Variants in DISC1 observed in about 807,000 individuals in gnomAD.
DISC1 encodes DISC1 scaffold protein.
DISC1 carries 57 observed loss-of-function variants against 84.5 expected under a neutral mutation model. That is an observed-to-expected ratio of 0.67 (90% CI 0.55 to 0.84). The LOEUF (loss-of-function observed/expected upper bound fraction) is 0.84, where lower values mean the gene tolerates loss of function less well. DISC1 is among the 40% of genes least tolerant of loss of function. The pLI, the probability that DISC1 is intolerant of heterozygous loss-of-function variation, is 0.00. For synonymous variants in DISC1, 411 were observed against 415.2 expected, an observed-to-expected ratio of 0.99 and a Z score of 0.12; for missense variants, 1,000 against 1,057.8, an observed-to-expected ratio of 0.95 and a Z score of 0.76.
chr1:231,759,926 G>A, intron 4 of DISC1, among the ~76,000 whole-genome samples: 1 of 152,086 alleles, frequency 6.6e-6, no homozygotes, highest in East Asian at 1.9e-4. Context: ...AACTTGTTTT[G>A]GAACTATTGG....
Position 231,630,569 on chromosome 1 carries a change from G to C in DISC1, c.67+3635G>C, listed in dbSNP as rs2058633870. Among the ~76,000 whole-genome samples, 1 of 152,096 alleles carries C rather than the reference G, an allele frequency of 6.6e-6. No homozygotes were observed. Among genetic ancestry groups the C allele is most frequent in the African/African-American group, 2.4e-5 (1 of 41,426 alleles). On this transcript the variant is annotated intron_variant, in intron 1 of 12. Coordinates refer to ENST00000439617, the MANE Select transcript of DISC1 (RefSeq NM_018662.3). The surrounding 1 kb of genome is among the most constrained non-coding windows in gnomAD (Gnocchi z 4.4). ...ATTCCCTTGGCAGCCACCCTGGGTTGAGGAGGGTCCCCTCCTGGCACAGCT... is the reference window on the plus strand; with the variant it reads ...ATTCCCTTGGCAGCCACCCTGGGTTCAGGAGGGTCCCCTCCTGGCACAGCT...
chr1:231,802,718 G>A (rs1272223116), intron 8 of DISC1, among the ~76,000 whole-genome samples: 1 of 152,092 alleles, frequency 6.6e-6, no homozygotes, highest in African/African-American at 2.4e-5. Context: ...TTGACAGGAG[G>A]TCAGTGGGCA....
intron 10 of DISC1, among the ~76,000 whole-genome samples, chr1:231,969,070 AG>A (rs1661528534): frequency 6.6e-6 from 1 of 152,174 alleles, no homozygotes; most frequent in South Asian, 2.1e-4. Flanking sequence ...TTATAAAAAC[AG>A]AAGAGAATAC....
chr1:231,746,715 T>C (rs564173826), intron 3 of DISC1, among the ~76,000 whole-genome samples: 2 of 152,342 alleles, frequency 1.3e-5, no homozygotes, highest in South Asian at 4.1e-4. Context: ...TGATCAGTGA[T>C]GTTGAGCATT....
At chr1:231,904,591 A>G (rs2088478892) in intron 9 of DISC1, among the ~76,000 whole-genome samples, 2 of 152,200 alleles carry the variant, frequency 1.3e-5, no homozygotes, top group Non-Finnish European at 1.5e-5. Flanking sequence ...GGCAGTGTGT[A>G]TATGTACACA....
intron 1 of DISC1, among the ~76,000 whole-genome samples, chr1:231,674,906 A>T (rs543520826): frequency 1.3e-5 from 2 of 152,142 alleles, no homozygotes; most frequent in Non-Finnish European, 2.9e-5. Context: ...CCCCATTCCT[A>T]CGCCCGCCCA....
chr1:231,694,833 C>A, intron 2 of DISC1, 28 bp downstream of exon 2: 1 of 1,609,328 alleles, frequency 6.2e-7, no homozygotes, highest in South Asian at 1.1e-5. Context: ...CTCTGTGGCC[C>A]GAGATTGTCG....
intron 9 of DISC1, among the ~76,000 whole-genome samples, chr1:231,885,147 C>A (rs1229510894): frequency 6.6e-6 from 1 of 152,194 alleles, no homozygotes; most frequent in African/African-American, 2.4e-5. Context: ...AAACTTACCT[C>A]CAAGTTAAAA....
intron 4 of DISC1, among the ~76,000 whole-genome samples, chr1:231,759,210 T>A (rs2075406772): frequency 6.6e-6 from 1 of 152,176 alleles, no homozygotes; most frequent in Non-Finnish European, 1.5e-5. Context: ...AAACATGTGA[T>A]TCTTTATTTC....
chr1:231,952,237 A>AT (rs1179976374), intron 9 of DISC1, among the ~76,000 whole-genome samples: 1 of 152,186 alleles, frequency 6.6e-6, no homozygotes, highest in East Asian at 1.9e-4. Flanking sequence ...ATATCTGTTA[A>AT]TTTTCCTTCT....
At chr1:231,795,936 T>C (rs72760413) in intron 7 of DISC1, among the ~76,000 whole-genome samples, 18,524 of 152,178 alleles carry the variant, frequency 0.12, 1,214 homozygotes, top group Non-Finnish European at 0.14. Context: ...GAGAAATTAA[T>C]TACTTTTCTT....
At position 231,750,044 on chromosome 1, in the gene DISC1, C is replaced by T. The variant is rs1558476896; in HGVS notation, c.1236C>T (p.Val412=). ...SSFLGHLAAQ[V]QAALRRGATQ... is the part of the protein sequence containing the mutation. ...TCCTGGGTCACCTGGCAGCACAAGT[C>T]CAGGCTGCCTTGCGCCGTGGGGCCA... The change falls in exon 4 of 13, where the codon GTC becomes GTT. Residue 412 remains valine, a synonymous_variant. Coordinates refer to ENST00000439617, the MANE Select transcript of DISC1 (RefSeq NM_018662.3). 6.2e-7 allele frequency: 1 copy of T among 1,614,186 alleles called. No homozygotes were observed. Among genetic ancestry groups the T allele is most frequent in the Non-Finnish European group, 8.5e-7 (1 of 1,180,016 alleles).
intron 9 of DISC1, among the ~76,000 whole-genome samples, chr1:231,921,105 G>A (rs575106036): frequency 6.6e-6 from 1 of 151,102 alleles, no homozygotes; most frequent in Non-Finnish European, 1.5e-5. Flanking sequence ...TAGTAGAGAC[G>A]GGGTTTCACC....
rs1669479439 is a variant in DISC1, at chr1:232,026,527, C to T, written c.2400C>T (p.Ile800=). The T allele has an allele frequency of 6.2e-7, 1 of 1,605,500 alleles. No individual in the cohort carries two copies. The highest frequency in any genetic ancestry group is 8.5e-7 in the Non-Finnish European group (1 of 1,175,644). ...TGGAAGATCAACTTCACACAGCAAT[C>T]CACAGTCATGATGAAGATCTCATTC... is the stretch of plus-strand genomic sequence containing the variant. The part of the protein sequence containing the change: ...LYLEDQLHTA[I]HSHDEDLIQS... Residue 800 remains isoleucine, a synonymous_variant, in exon 12 of 13, where the codon ATC becomes ATT. Transcript: ENST00000439617.
intron 1 of DISC1, among the ~76,000 whole-genome samples, chr1:231,646,594 C>T (rs2125239820): frequency 6.6e-6 from 1 of 152,264 alleles, no homozygotes; most frequent in South Asian, 2.1e-4. Flanking sequence ...ATCACTGGGC[C>T]AAATGGTATT....
chr1:231,702,657 A>G (rs1182293969), intron 3 of DISC1: 1 of 971,934 alleles, frequency 1.0e-6, no homozygotes, highest in East Asian at 1.1e-4. Flanking sequence ...AAAAAAACAA[A>G]AAAACCAATT....
Position 231,994,492 on chromosome 1 carries a change from GA to G in DISC1, c.2043-14292del, listed in dbSNP as rs1665636378. ...CCCAGATTCAAGAGAGGAGGATATA[GA>G]TACCAGCTCTTTATTATAGGAATGT... is the stretch of plus-strand genomic sequence containing the variant. On this transcript the variant is annotated intron_variant, in intron 10 of 12. Coordinates refer to ENST00000439617, the MANE Select transcript of DISC1 (RefSeq NM_018662.3). Among the ~76,000 whole-genome samples, 3 of 152,344 alleles carry G rather than the reference GA, an allele frequency of 2.0e-5. No homozygotes were observed. The South Asian group carries it at 6.2e-4, about 32-fold the overall frequency.
intron 1 of DISC1, among the ~76,000 whole-genome samples, chr1:231,677,395 T>G (rs1405837118): frequency 2.0e-5 from 3 of 152,336 alleles, no homozygotes; most frequent in East Asian, 3.9e-4. Flanking sequence ...CTTCTCTCTT[T>G]TTAAAGACTG....
chr1:231,971,568 C>T (rs1448595855), intron 10 of DISC1, among the ~76,000 whole-genome samples: 2 of 152,176 alleles, frequency 1.3e-5, no homozygotes, highest in South Asian at 2.1e-4. Context: ...TCTCCAGCCA[C>T]CCTGAGTCAT....
Sources: allele counts gnomAD v4.1 joint callset (sites outside exome capture counted in the v4.1 genomes callset), GRCh38; gene constraint gnomAD v4.1.1; non-coding constraint Gnocchi (gnomAD v3.1); transcripts MANE v1.5; gene names NCBI Gene and HGNC (gene_info 2026-07-23, HGNC 2026-07-21).